Variants in STARD9 observed in about 807,000 individuals in gnomAD.
The protein encoded by STARD9 is stAR-related lipid transfer protein 9.
STARD9 carries 346 observed loss-of-function variants against 399.8 expected under a neutral mutation model. The observed-to-expected ratio is 0.87, with a 90% confidence interval of 0.79 to 0.95. STARD9 has a LOEUF of 0.95. Ranked by LOEUF, STARD9 falls within the 40% of genes least tolerant of loss-of-function variation. The pLI is 0.00. For synonymous variants in STARD9, 2,203 were observed against 2,143.5 expected, an observed-to-expected ratio of 1.03 and a Z score of -0.77; for missense variants, 5,832 against 5,667.5, an observed-to-expected ratio of 1.03 and a Z score of -0.93.
At chr15:42,634,058 A>G (rs1036002613) in intron 3 of STARD9, among the ~76,000 whole-genome samples, 2 of 152,132 alleles carry the variant, frequency 1.3e-5, no homozygotes, top group Non-Finnish European at 2.9e-5. Context: ...TGACACAACC[A>G]AAGATTCAAA....
chr15:42,680,452 T>G (rs2060405264), intron 20 of STARD9, among the ~76,000 whole-genome samples: 1 of 151,716 alleles, frequency 6.6e-6, no homozygotes. Context: ...ATACAAAAAT[T>G]AGCTGGGCGT....
intron 7 of STARD9, among the ~76,000 whole-genome samples, chr15:42,648,628 T>C (rs1341225912): frequency 6.6e-6 from 1 of 152,226 alleles, no homozygotes; most frequent in African/African-American, 2.4e-5. Flanking sequence ...CTTTTGTCTT[T>C]GAACAGTTTA....
chr15:42,599,846 G>A (rs1283670242), intron 3 of STARD9, among the ~76,000 whole-genome samples: 1 of 152,176 alleles, frequency 6.6e-6, no homozygotes, highest in Non-Finnish European at 1.5e-5. Context: ...GTCTTATTGG[G>A]ATTACCAGGC....
At chr15:42,707,265 G>A (rs979070783) in intron 26 of STARD9, among the ~76,000 whole-genome samples, 55 of 152,154 alleles carry the variant, frequency 3.6e-4, no homozygotes, top group African/African-American at 1.3e-3. Context: ...ACTCAGCAAT[G>A]TTTGCATAGG....
Position 42,718,838 on chromosome 15 carries a change from G to T in STARD9, c.13929G>T (p.Leu4643=). The change falls in exon 32 of 33, where the codon CTG becomes CTT. Residue 4643 remains leucine (L), a synonymous_variant. Transcript: ENST00000290607. ...GAAAAATGGTTCGCGGGGAGATCCT[G>T]CCCAGTGCCTGGATCTTGCAGCCCA... is the stretch of plus-strand genomic sequence containing the variant. ...PSRKMVRGEI[L]PSAWILQPIT... 1.3e-6 allele frequency: 2 copies of T among 1,537,218 alleles called. No homozygotes were observed. Among genetic ancestry groups the T allele is most frequent in the Non-Finnish European group, 1.7e-6 (2 of 1,146,864 alleles).
At position 42,690,781 on chromosome 15, in the gene STARD9, G is replaced by T; in HGVS notation, c.9203G>T (p.Gly3068Val). ...RSPSAPDVRT[G>V]SFSHSATDGS... ...CCTTCTGCTCCTGACGTGAGGACAG[G>T]TTCCTTCAGCCACTCAGCTACTGAT... Residue 3068 changes from glycine (G) to valine (V), a missense_variant, in exon 23 of 33, where the codon GGT (glycine) becomes GTT (valine). Physicochemically the swap from Gly to Val is moderately radical, Grantham distance 109 (BLOSUM62 -3). This residue lies in a region of STARD9 where 5,828 missense variants were observed against 5,651.1 expected (regional missense o/e 1.03). Transcript: ENST00000290607. 1 of 1,537,266 alleles carries T rather than the reference G, an allele frequency of 6.5e-7. No homozygotes were observed. The highest frequency in any genetic ancestry group is 8.7e-7 in the Non-Finnish European group (1 of 1,146,908).
chr15:42,639,994 C>T (rs1595688877), intron 7 of STARD9, among the ~76,000 whole-genome samples: 3 of 152,272 alleles, frequency 2.0e-5, no homozygotes, highest in East Asian at 1.9e-4. Flanking sequence ...GCAAACATAG[C>T]TCACTGCAAC....
Position 42,686,073 on chromosome 15 carries a change from G to A in STARD9, c.4495G>A (p.Val1499Ile), listed in dbSNP as rs953019947. ...GTACCTCCTTGAACTCTCTTGTCCT[G>A]TTTTGGAGGCCATAGGAGCACCCAA... ...QKYLLELSCP[V>I]LEAIGAPKPA... Residue 1499 changes from valine to isoleucine, a missense_variant, in exon 23 of 33, where the codon GTT (valine) becomes ATT (isoleucine). By Grantham distance (29) the Val-to-Ile change is conservative (BLOSUM62 3). Coordinates refer to ENST00000290607, the MANE Select transcript of STARD9 (RefSeq NM_020759.3). 9 of 1,537,096 alleles carry A rather than the reference G, an allele frequency of 5.9e-6. No individual in the cohort carries two copies. In the Admixed American group the frequency reaches 7.8e-5, roughly 13 times the overall value.
chr15:42,654,489 CTG>C, intron 9 of STARD9, among the ~76,000 whole-genome samples: 1 of 152,236 alleles, frequency 6.6e-6, no homozygotes, highest in Middle Eastern at 3.4e-3. Context: ...GGAAGTCAAA[CTG>C]TTGCTGTTCG....
intron 10 of STARD9, among the ~76,000 whole-genome samples, chr15:42,661,444 C>T (rs569388978): frequency 1.3e-5 from 2 of 152,148 alleles, no homozygotes; most frequent in Admixed American, 6.6e-5. Flanking sequence ...CACCTGAGGA[C>T]CTTTTCTTTT....
chr15:42,689,456 G>A lies in STARD9; in HGVS notation c.7878G>A (p.Gly2626=), dbSNP rs973722582. 7.8e-6 allele frequency: 12 copies of A among 1,537,256 alleles called. No homozygotes were observed. In the East Asian group the frequency reaches 9.8e-5, roughly 13 times the overall value. Residue 2626 remains glycine (G), a synonymous_variant, in exon 23 of 33, where the codon GGG becomes GGA. Transcript: ENST00000290607. ...FHVASLSAEA[G]QIDLLPDERK... is the part of the protein sequence containing the mutation. ...TGGCATCTCTATCTGCTGAAGCAGG[G>A]CAGATAGATCTGTTACCTGATGAGA... is the stretch of plus-strand genomic sequence containing the variant.
intron 17 of STARD9, 102 bp downstream of exon 17, chr15:42,674,593 T>C (rs763235317): frequency 3.0e-4 from 386 of 1,280,374 alleles, no homozygotes; most frequent in Non-Finnish European, 4.0e-4. Context: ...AGGGAATCAT[T>C]GGCGTATTCA....
intron 26 of STARD9, among the ~76,000 whole-genome samples, chr15:42,712,584 C>T (rs2140398394): frequency 6.6e-6 from 1 of 152,280 alleles, no homozygotes; most frequent in East Asian, 1.9e-4. Context: ...TTATTTCCCC[C>T]ATTGAATTGT....
intron 3 of STARD9, among the ~76,000 whole-genome samples, chr15:42,593,134 C>T (rs187518498): frequency 4.6e-5 from 7 of 152,218 alleles, no homozygotes; most frequent in African/African-American, 1.2e-4. Context: ...CATTATCATA[C>T]GTAGTACAAG....
rs1054298539 is a variant in STARD9, at chr15:42,685,961, C to T, written c.4383C>T (p.Ser1461=). ...GCTCTGAAGCATCCCACAATTCTAG[C>T]GTATCAAACGTGCTGGCTGCCTCTG... ...QGSSEASHNS[S]VSNVLAASAT... The change falls in exon 23 of 33, where the codon AGC becomes AGT. Residue 1461 remains serine, a synonymous_variant. Transcript: ENST00000290607. 2.3e-5 allele frequency: 35 copies of T among 1,537,184 alleles called. No homozygotes were observed. In the African/African-American group the frequency reaches 2.6e-4, roughly 11 times the overall value.
intron 2 of STARD9, among the ~76,000 whole-genome samples, chr15:42,583,876 G>T (rs770969211): frequency 6.6e-6 from 1 of 152,040 alleles, no homozygotes; most frequent in Non-Finnish European, 1.5e-5. Context: ...TGAGATCCAA[G>T]TAACATCTTT....
At chr15:42,579,547 G>A (rs1476280186) in intron 1 of STARD9, among the ~76,000 whole-genome samples, 1 of 152,098 alleles carries the variant, frequency 6.6e-6, no homozygotes, top group Admixed American at 6.5e-5. Context: ...TTTGTAAAAT[G>A]GCCAGGTAGA....
rs770733219 is a variant in STARD9 at position 42,583,368 on chromosome 15, A to G, written c.70A>G (p.Ile24Val). The G allele has an allele frequency of 6.5e-7, 1 of 1,537,056 alleles. No homozygotes were observed. The change falls in exon 2 of 33, where the codon ATT (isoleucine) becomes GTT (valine). Residue 24 changes from isoleucine (I) to valine (V), a missense_variant. By Grantham distance (29) the Ile-to-Val change is conservative (BLOSUM62 3). Around this residue, in one of 2 missense-constraint regions of STARD9, gnomAD observed 5,828 missense variants for 5,651.1 expected, o/e 1.03. Transcript: ENST00000290607. ...SKRETKEGGR[I>V]IVEVDGKVAK... is the part of the protein sequence containing the mutation. ...TAGGGAGACCAAAGAAGGGGGAAGA[A>G]TTATTGTGGAAGTTGATGGCAAAGT...
chr15:42,684,080 T>C lies in STARD9; in HGVS notation c.2538-36T>C, dbSNP rs1243090732. 2.7e-6 allele frequency: 4 copies of C among 1,498,188 alleles called. No homozygotes were observed. In the Admixed American group the frequency reaches 8.2e-5, roughly 31 times the overall value. The allele number at this position is 1,498,188 out of a possible 1,614,324, so 92.8% of individuals were successfully genotyped here. ...TTCTGTCCACAGGAAGTAGTACCTC[T>C]CACATCTTCTGAGATAGCTTTCCTT... On this transcript the variant is annotated intron_variant, in intron 22 of 32. Transcript: ENST00000290607.
Sources: gnomAD v4.1 joint callset for allele counts (sites outside exome capture counted in the v4.1 genomes callset) on GRCh38, gnomAD v4.1.1 for gene constraint, gnomAD v4.1.1 regional missense constraint, MANE v1.5 for transcripts, NCBI Gene and HGNC (gene_info 2026-07-23, HGNC 2026-07-21) for gene names.